SLC12A7: variants seen among roughly 807,000 people sequenced by gnomAD.
SLC12A7 encodes solute carrier family 12 member 7.
A neutral mutation model predicts 120.6 loss-of-function variants in SLC12A7; 100 were observed. The observed-to-expected ratio is 0.83, with a 90% confidence interval of 0.71 to 0.98. The LOEUF is 0.98. SLC12A7 is among the 50% of genes least tolerant of loss of function. The pLI is 0.00. For synonymous variants in SLC12A7, 760 were observed against 678.0 expected (o/e 1.12, Z -1.88); for missense variants, 1,373 against 1,548.1 (o/e 0.89, Z 1.90).
the SLC12A7 span, among the ~76,000 whole-genome samples, chr5:1,153,103 C>T: frequency 6.6e-6 from 1 of 152,248 alleles, no homozygotes; most frequent in Non-Finnish European, 1.5e-5. Flanking sequence ...CCATCCTCCT[C>T]CAACCCCCAC....
chr5:1,076,411 C>CCCGTGACCA (rs750701193), intron 13 of SLC12A7, among the ~76,000 whole-genome samples, 175 bp from the exon 14 acceptor site: 1 of 151,440 alleles, frequency 6.6e-6, no homozygotes, highest in Admixed American at 6.6e-5. Context: ...CCCTCAGGTT[C>CCCGTGACCA]CAGCCATCCT....
At chr5:1,133,931 G>A in the SLC12A7 span, among the ~76,000 whole-genome samples, 1 of 152,110 alleles carries the variant, frequency 6.6e-6, no homozygotes, top group Non-Finnish European at 1.5e-5. Flanking sequence ...ACCGCTGCAT[G>A]GCCTTCCTCC....
intron 21 of SLC12A7, among the ~76,000 whole-genome samples, chr5:1,059,139 C>T (rs1348837014): frequency 2.0e-5 from 3 of 152,234 alleles, no homozygotes; most frequent in African/African-American, 7.2e-5. Context: ...GGATGTGGGT[C>T]CTCCCAGACA....
At chr5:1,065,041 G>A (rs188186409) in intron 18 of SLC12A7, among the ~76,000 whole-genome samples, 2 of 130,796 alleles carry the variant, frequency 1.5e-5, no homozygotes, top group Non-Finnish European at 3.3e-5. Flanking sequence ...AGGGGACAGC[G>A]AGGGGAGGCA....
intron 1 of SLC12A7, among the ~76,000 whole-genome samples, chr5:1,102,121 TG>T (rs1165127854): frequency 6.6e-6 from 1 of 152,188 alleles, no homozygotes; most frequent in African/African-American, 2.4e-5. Context: ...CCAACCAGGC[TG>T]TGTCCCCACC....
At chr5:1,147,195 A>C in the SLC12A7 span, among the ~76,000 whole-genome samples, 1 of 151,118 alleles carries the variant, frequency 6.6e-6, no homozygotes. Context: ...GAAACACTAA[A>C]TTCCCACGGT....
chr5:1,061,813 T>A (rs1400411274), intron 20 of SLC12A7, among the ~76,000 whole-genome samples: 3 of 148,388 alleles, frequency 2.0e-5, no homozygotes, highest in African/African-American at 7.6e-5. Flanking sequence ...AAAAAAAAAA[T>A]TAGCCAGGTA....
At position 1,077,881 on chromosome 5, in the gene SLC12A7, C is replaced by G. The variant is rs757008490; in HGVS notation, c.1581G>C (p.Pro527=). The G allele has an allele frequency of 2.5e-6, 4 of 1,597,606 alleles. No individual in the cohort carries two copies. In the East Asian group the frequency reaches 9.1e-5, roughly 36 times the overall value. ...CACGGGCAATGGCCTGCAGTAGGCG[C>G]GGTGCCCCCGTGAGGCTCTGCAGGC... ...GAGLQSLTGA[P]RLLQAIARDG... The change falls in exon 12 of 24, where the codon CCG becomes CCC. Residue 527 remains proline (P), a synonymous_variant. Transcript: ENST00000264930.
At chr5:1,149,750 C>T in the SLC12A7 span, among the ~76,000 whole-genome samples, 4 of 152,004 alleles carry the variant, frequency 2.6e-5, no homozygotes, top group Non-Finnish European at 5.9e-5. Flanking sequence ...CTATTCAAGC[C>T]GGGTGCGGTG....
rs949015760 is a variant in SLC12A7 at position 1,088,451 on chromosome 5, C to T, written c.490-91G>A. ...CAAGTCAGGGTCTATGACCCGGCTC[C>T]CGCCGAATGCCAGCCCCCAACTCCA... is the stretch of plus-strand genomic sequence containing the variant. On this transcript the variant is annotated intron_variant, in intron 4 of 23. Coordinates refer to ENST00000264930, the MANE Select transcript of SLC12A7 (RefSeq NM_006598.3). 9.6e-6 allele frequency: 13 copies of T among 1,351,844 alleles called. No homozygotes were observed. In the African/African-American group the frequency reaches 1.4e-4, roughly 15 times the overall value. 83.7% of individuals were successfully genotyped at this position (1,351,844 alleles called of 1,614,324 possible). A position where few individuals can be genotyped will look rare whatever the true frequency, so the allele number is the denominator to read the frequency against.
the SLC12A7 span, among the ~76,000 whole-genome samples, chr5:1,151,956 T>C: frequency 2.0e-5 from 3 of 152,264 alleles, 1 homozygote; most frequent in Admixed American, 1.3e-4. This position sits in a 1 kb window ranked among gnomAD's most constrained non-coding sequence, Gnocchi z 6.2. Flanking sequence ...GGAAGCTACA[T>C]GGGGGCTGTC....
At chr5:1,064,845 C>T (rs1417170077) in intron 18 of SLC12A7, among the ~76,000 whole-genome samples, 3 of 113,632 alleles carry the variant, frequency 2.6e-5, no homozygotes, top group Admixed American at 8.8e-5. Flanking sequence ...GGCGAAGCGA[C>T]GGCGAGGAGA....
At chr5:1,128,505 A>G in the SLC12A7 span, among the ~76,000 whole-genome samples, 1 of 152,204 alleles carries the variant, frequency 6.6e-6, no homozygotes. Flanking sequence ...CATGTGGTTG[A>G]TGGAAGGTTC....
At chr5:1,130,205 A>G in the SLC12A7 span, among the ~76,000 whole-genome samples, 11 of 152,290 alleles carry the variant, frequency 7.2e-5, no homozygotes, top group African/African-American at 2.6e-4. Context: ...AGGACCCTCC[A>G]GAATCTTCCA....
At chr5:1,122,791 G>A in the SLC12A7 span, among the ~76,000 whole-genome samples, 2,139 of 152,370 alleles carry the variant, frequency 0.014, 56 homozygotes, top group African/African-American at 0.049. Flanking sequence ...CTGTCTGGAC[G>A]GGCACGTTTT....
chr5:1,145,788 G>A, the SLC12A7 span, among the ~76,000 whole-genome samples: 1 of 152,104 alleles, frequency 6.6e-6, no homozygotes, highest in Non-Finnish European at 1.5e-5. The surrounding 1 kb of genome is among the most constrained non-coding windows in gnomAD (Gnocchi z 4.4). Flanking sequence ...GGCTGGGGGT[G>A]CGGGAGGGTT....
At chr5:1,085,595 C>T (rs1481720224) in intron 6 of SLC12A7, 122 bp from the exon 7 acceptor site, 11 of 1,377,586 alleles carry the variant, frequency 8.0e-6, no homozygotes, top group South Asian at 1.4e-5. Flanking sequence ...GCCATCGGGA[C>T]GCATCCGTGC....
the SLC12A7 span, among the ~76,000 whole-genome samples, chr5:1,144,841 C>T: frequency 6.6e-6 from 1 of 152,240 alleles, no homozygotes; most frequent in Non-Finnish European, 1.5e-5. Context: ...ATCCCGGCTG[C>T]GCATGCACAG....
chr5:1,054,649 C>T (rs929558737), intron 22 of SLC12A7, among the ~76,000 whole-genome samples: 11 of 152,214 alleles, frequency 7.2e-5, no homozygotes, highest in Admixed American at 2.0e-4. Context: ...GCGCCCTGGA[C>T]GCAGAGGGGC....
Sources: allele counts gnomAD v4.1 joint callset (sites outside exome capture counted in the v4.1 genomes callset), GRCh38; gene constraint gnomAD v4.1.1; non-coding constraint Gnocchi (gnomAD v3.1); transcripts MANE v1.5; gene names NCBI Gene and HGNC (gene_info 2026-07-23, HGNC 2026-07-21).